The following UXS1 variants were observed in gnomAD, a reference collection of about 807,000 sequenced individuals.
The protein encoded by UXS1 is UDP-glucuronate decarboxylase 1, also known as UDP-glucuronic acid decarboxylase 1.
UXS1 carries 33 observed loss-of-function variants against 62.6 expected under a neutral mutation model. The observed-to-expected ratio is 0.53, with a 90% CI of 0.40 to 0.70. The LOEUF is 0.70. UXS1 is among the 30% of genes least tolerant of loss of function. The probability of loss-of-function intolerance (pLI) is 0.00; values close to 1 mark genes in which losing one functional copy is unlikely to be tolerated. For missense variants in UXS1, 434 were observed against 556.3 expected (o/e 0.78, Z 2.21); for synonymous variants, 213 against 206.8 (o/e 1.03, Z -0.26).
chr2:106,149,272 T>C (rs1681825156), intron 5 of UXS1, among the ~76,000 whole-genome samples: 1 of 152,194 alleles, frequency 6.6e-6, no homozygotes, highest in Non-Finnish European at 1.5e-5. Context: ...AGGAAGATCA[T>C]TCCATGTGCA....
At chr2:106,172,096 C>A (rs1683600214) in intron 1 of UXS1, among the ~76,000 whole-genome samples, 1 of 152,240 alleles carries the variant, frequency 6.6e-6, no homozygotes, top group African/African-American at 2.4e-5. Flanking sequence ...AGTTAAGACC[C>A]TGCACACATT....
chr2:106,150,813 G>A (rs935268872), intron 5 of UXS1, among the ~76,000 whole-genome samples: 3 of 152,186 alleles, frequency 2.0e-5, no homozygotes, highest in African/African-American at 7.2e-5. Context: ...TACAGGCACA[G>A]AACTCCAACT....
chr2:106,186,179 A>G (rs1684535928), intron 1 of UXS1, among the ~76,000 whole-genome samples: 1 of 152,206 alleles, frequency 6.6e-6, no homozygotes, highest in Non-Finnish European at 1.5e-5. Flanking sequence ...TGGCTGGAGA[A>G]CAAGATATTC....
chr2:106,148,502 T>C (rs1250411016), intron 5 of UXS1, among the ~76,000 whole-genome samples: 1 of 152,224 alleles, frequency 6.6e-6, no homozygotes, highest in African/African-American at 2.4e-5. Flanking sequence ...TTCTGAGATA[T>C]CAGAGATGCA....
rs1177347993 is a variant in UXS1 at position 106,098,775 on chromosome 2, TAAGA to T, written c.985-6_985-3del. 2 of 1,610,832 alleles carry T rather than the reference TAAGA, an allele frequency of 1.2e-6. No individual in the cohort carries two copies. Among genetic ancestry groups the T allele is most frequent in the East Asian group, 2.2e-5 (1 of 44,820 alleles). On this transcript the variant is annotated splice_region_variant and splice_polypyrimidine_tract_variant and intron_variant, in intron 12 of 14. Transcript: ENST00000283148. Reference sequence around the variant, plus strand: ...GATTGTGTGTTCTTCTGGGTTCCCCTAAGAAAGAAACGGTTTCCAGTTATAAGCG... The same window carrying T: ...GATTGTGTGTTCTTCTGGGTTCCCCTAAGAAACGGTTTCCAGTTATAAGCG...
At chr2:106,149,328 G>T (rs1041904588) in intron 5 of UXS1, among the ~76,000 whole-genome samples, 1 of 152,188 alleles carries the variant, frequency 6.6e-6, no homozygotes, top group Non-Finnish European at 1.5e-5. Context: ...CTGTAACAGT[G>T]CTGCTGTGCT....
chr2:106,190,653 G>A (rs901252442), intron 1 of UXS1, among the ~76,000 whole-genome samples: 6 of 149,762 alleles, frequency 4.0e-5, no homozygotes, highest in African/African-American at 1.5e-4. Context: ...TGAGGCAGGA[G>A]AATCGCTTGA....
intron 6 of UXS1, among the ~76,000 whole-genome samples, chr2:106,144,361 C>A (rs149091756): frequency 2.6e-5 from 4 of 152,034 alleles, no homozygotes; most frequent in African/African-American, 9.7e-5. Context: ...CATCTTGGAA[C>A]GGTTAGAGCA....
At chr2:106,104,717 A>G (rs1677901792) in intron 11 of UXS1, 77 bp downstream of exon 11, 5 of 1,564,224 alleles carry the variant, frequency 3.2e-6, no homozygotes, top group Non-Finnish European at 3.5e-6. Flanking sequence ...TATACAAGAC[A>G]CTGAACTGTC....
chr2:106,153,022 T>G (rs1682156934), intron 5 of UXS1, among the ~76,000 whole-genome samples: 1 of 152,236 alleles, frequency 6.6e-6, no homozygotes, highest in Admixed American at 6.5e-5. Flanking sequence ...GAGTTGACTT[T>G]ATTTGAAAGA....
At chr2:106,106,154 C>T (rs912931666) in intron 10 of UXS1, among the ~76,000 whole-genome samples, 2 of 152,144 alleles carry the variant, frequency 1.3e-5, no homozygotes, top group Admixed American at 6.5e-5. Flanking sequence ...CACCGGAGGT[C>T]GGGAGTTCGA....
At chr2:106,153,158 CA>C (rs113542998) in intron 5 of UXS1, among the ~76,000 whole-genome samples, 2,224 of 152,176 alleles carry the variant, frequency 0.015, 62 homozygotes, top group African/African-American at 0.051. Context: ...CAGAGAGAAC[CA>C]AGGAGAGGAC....
At position 106,137,454 on chromosome 2, in the gene UXS1, C is replaced by G. The variant is rs142036919; in HGVS notation, c.473-7676G>C. 3.3e-5 allele frequency among the ~76,000 whole-genome samples: 5 copies of G among 152,256 alleles called. 1 individual carries two copies. In the East Asian group the frequency reaches 9.6e-4, roughly 29 times the overall value. On this transcript the variant is annotated intron_variant, in intron 6 of 14. Transcript: ENST00000283148. Reference sequence around the variant, plus strand: ...GCTGCCTCCTCTGAAGATTCCTCCTCATACCCACTGCCACTTTGGAGCAGG... The same window carrying G: ...GCTGCCTCCTCTGAAGATTCCTCCTGATACCCACTGCCACTTTGGAGCAGG...
chr2:106,161,182 C>A (rs1309750329), intron 4 of UXS1, among the ~76,000 whole-genome samples: 1 of 151,572 alleles, frequency 6.6e-6, no homozygotes, highest in Admixed American at 6.6e-5. Flanking sequence ...GGCAGGAGCA[C>A]AAGGCCTTTT....
intron 7 of UXS1, among the ~76,000 whole-genome samples, chr2:106,129,247 CGT>C (rs1444047668): frequency 6.6e-6 from 1 of 152,336 alleles, no homozygotes; most frequent in East Asian, 1.9e-4. Context: ...GAATCACCCC[CGT>C]GTGTAAGGCC....
chr2:106,098,904 C>T (rs1017640418), intron 12 of UXS1, 131 bp from the exon 13 acceptor site: 7 of 753,874 alleles, frequency 9.3e-6, no homozygotes, highest in African/African-American at 8.8e-5. Context: ...AGCAGAGCTC[C>T]GTGTGCCAGA....
Position 106,093,877 on chromosome 2 carries a change from C to T in UXS1, c.*149G>A, listed in dbSNP as rs1676857124. 1 of 1,126,422 alleles carries T rather than the reference C, an allele frequency of 8.9e-7. No individual in the cohort carries two copies. The highest frequency in any genetic ancestry group is 1.2e-6 in the Non-Finnish European group (1 of 838,236). 69.8% of individuals were successfully genotyped at this position (1,126,422 alleles called of 1,614,324 possible). On this transcript the variant is annotated 3_prime_UTR_variant, in exon 15 of 15. Coordinates refer to ENST00000283148, the MANE Select transcript of UXS1 (RefSeq NM_001253875.2). Reference sequence around the variant, plus strand: ...TTTTGAGGGGAGCTTTTAGGCACATCCATTTCATTAAAGCAAGCTTCAGAA... The same window carrying T: ...TTTTGAGGGGAGCTTTTAGGCACATTCATTTCATTAAAGCAAGCTTCAGAA...
intron 10 of UXS1, among the ~76,000 whole-genome samples, chr2:106,110,421 G>A (rs1163274494): frequency 1.3e-5 from 2 of 152,138 alleles, no homozygotes; most frequent in African/African-American, 4.8e-5. Flanking sequence ...GCTGCTTCTT[G>A]GAGGCTTTCA....
Position 106,122,965 on chromosome 2 carries a change from A to G in UXS1, c.759+5T>C, listed in dbSNP as rs751423534. On this transcript the variant is annotated splice_donor_5th_base_variant and intron_variant, in intron 9 of 14. Transcript: ENST00000283148. ...AAACCGCAAGCCTAGACCCTGGTGA[A>G]ATACCTGCTTCATGTAGGCATAGCA... 98 of 1,613,512 alleles carry G rather than the reference A, an allele frequency of 6.1e-5. No individual in the cohort carries two copies. The highest frequency in any genetic ancestry group is 8.2e-5 in the Non-Finnish European group (97 of 1,179,708).
Sources: gnomAD v4.1 joint callset for allele counts (sites outside exome capture counted in the v4.1 genomes callset) on GRCh38, gnomAD v4.1.1 for gene constraint, MANE v1.5 for transcripts, NCBI Gene and HGNC (gene_info 2026-07-23, HGNC 2026-07-21) for gene names.